The following ZC3H4 variants were observed in gnomAD, a reference collection of about 807,000 sequenced individuals.
ZC3H4 encodes zinc finger CCCH-type containing 4, also known as zinc finger CCCH domain-containing protein 4.
A neutral mutation model predicts 108.3 loss-of-function variants in ZC3H4; 13 were observed. The ratio of observed to expected loss-of-function variants is 0.12; its 90% CI spans 0.08 to 0.19. The LOEUF is 0.19. ZC3H4 is among the 10% of genes least tolerant of loss of function. ZC3H4 has a pLI of 1.00. For missense variants in ZC3H4, 1,734 were observed against 1,838.8 expected, an observed-to-expected ratio of 0.94 and a Z score of 1.04; for synonymous variants, 917 against 749.6, an observed-to-expected ratio of 1.22 and a Z score of -3.65.
chr19:47,091,851 C>G (rs982426860), intron 4 of ZC3H4, among the ~76,000 whole-genome samples: 3 of 152,106 alleles, frequency 2.0e-5, no homozygotes, highest in Admixed American at 6.6e-5. Flanking sequence ...CGAGATTGTG[C>G]CACTGCACTC....
At chr19:47,074,419 G>C (rs184855630) in intron 11 of ZC3H4, among the ~76,000 whole-genome samples, 1 of 152,314 alleles carries the variant, frequency 6.6e-6, no homozygotes, top group Admixed American at 6.5e-5. Flanking sequence ...CGCCCAGTGA[G>C]TGAATGAGAA....
chr19:47,093,477 G>C (rs1008334394), intron 4 of ZC3H4, among the ~76,000 whole-genome samples: 1 of 152,146 alleles, frequency 6.6e-6, no homozygotes, highest in Non-Finnish European at 1.5e-5. Context: ...AGACATACAG[G>C]GCCTTGCTAA....
rs1048389204 is a variant in ZC3H4 at position 47,099,097 on chromosome 19, G to A, written c.162-4489C>T. 6.4e-4 allele frequency among the ~76,000 whole-genome samples: 97 copies of A among 152,214 alleles called. 1 individual carries two copies. Among genetic ancestry groups the A allele is most frequent in the Non-Finnish European group, 5.1e-4 (35 of 68,042 alleles). Reference sequence around the variant, plus strand: ...GTTGGTTTTAAAAACCAGCTAGCATGAGGGCATCTCTCCACGGAAAGCCCT... The same window carrying A: ...GTTGGTTTTAAAAACCAGCTAGCATAAGGGCATCTCTCCACGGAAAGCCCT... On this transcript the variant is annotated intron_variant, in intron 2 of 14. Coordinates refer to ENST00000253048, the MANE Select transcript of ZC3H4 (RefSeq NM_015168.2).
intron 2 of ZC3H4, among the ~76,000 whole-genome samples, chr19:47,101,316 A>G (rs1376532393): frequency 1.3e-5 from 2 of 151,858 alleles, no homozygotes; most frequent in Admixed American, 1.3e-4. Flanking sequence ...CCTGGGCAAC[A>G]GAGTGAGACC....
intron 5 of ZC3H4, among the ~76,000 whole-genome samples, chr19:47,089,397 G>A (rs1486894724): frequency 2.0e-5 from 3 of 151,834 alleles, no homozygotes; most frequent in Non-Finnish European, 4.4e-5. Context: ...GGCTGGTCTC[G>A]AACTCCTGAC....
At chr19:47,099,374 A>G (rs879425943) in intron 2 of ZC3H4, among the ~76,000 whole-genome samples, 10 of 151,346 alleles carry the variant, frequency 6.6e-5, no homozygotes, top group Non-Finnish European at 1.0e-4. Context: ...CAGGAGAATC[A>G]CTTGAACCTG....
rs1290182943 is a variant in ZC3H4, at chr19:47,066,999, G to A, written c.3269C>T (p.Ala1090Val). 6 of 1,592,176 alleles carry A rather than the reference G, an allele frequency of 3.8e-6. 1 individual carries two copies. The Admixed American group carries it at 5.2e-5, about 14-fold the overall frequency. The change falls in exon 15 of 15, where the codon GCC (alanine) becomes GTC (valine). Residue 1090 changes from alanine (A) to valine (V), a missense_variant. Physicochemically the swap from Ala to Val is moderately conservative, Grantham distance 64 (BLOSUM62 0). Around this residue, in one of 9 missense-constraint regions of ZC3H4, gnomAD observed 518 missense variants for 499.6 expected, o/e 1.04. Transcript: ENST00000253048. ...PRLQKPTDST[A>V]SSRAAKPGPA... is the part of the protein sequence containing the mutation. ...GCCGGGCTTGGCAGCCCGGGAGGAG[G>A]CCGTAGAGTCTGTGGGTTTCTGCAG...
rs537690289 is a variant in ZC3H4 at position 47,072,915 on chromosome 19, AG to A, written c.1441-203del. ...TCCACTCTCGGGGACCAGCTGGTAGAGGGGGGGCCATTCCTGCTCTATGGCA... is the reference window on the plus strand; with the variant it reads ...TCCACTCTCGGGGACCAGCTGGTAGAGGGGGGCCATTCCTGCTCTATGGCA... On this transcript the variant is annotated intron_variant, in intron 11 of 14. Coordinates refer to ENST00000253048, the MANE Select transcript of ZC3H4 (RefSeq NM_015168.2). The surrounding 1 kb of genome is among the most constrained non-coding windows in gnomAD (Gnocchi z 5.6). Among the ~76,000 whole-genome samples the A allele has an allele frequency of 6.6e-6, 1 of 152,094 alleles. No homozygotes were observed. Among genetic ancestry groups the A allele is most frequent in the African/African-American group, 2.4e-5 (1 of 41,416 alleles).
intron 11 of ZC3H4, among the ~76,000 whole-genome samples, chr19:47,078,652 G>C (rs567032884): frequency 6.6e-6 from 1 of 152,140 alleles, no homozygotes; most frequent in East Asian, 1.9e-4. Flanking sequence ...AACTAATCAC[G>C]AATTTGAGAC....
Position 47,067,771 on chromosome 19 carries a change from G to C in ZC3H4, c.2497C>G (p.Pro833Ala). The C allele has an allele frequency of 6.2e-7, 1 of 1,609,374 alleles. No individual in the cohort carries two copies. Among genetic ancestry groups the C allele is most frequent in the Non-Finnish European group, 8.5e-7 (1 of 1,178,714 alleles). Residue 833 changes from proline to alanine, a missense_variant, in exon 15 of 15, where the codon CCG becomes GCG. Physicochemically the swap from Pro to Ala is conservative, Grantham distance 27. This residue lies in a region of ZC3H4 where 540 missense variants were observed against 484.1 expected (regional missense o/e 1.12). Coordinates refer to ENST00000253048, the MANE Select transcript of ZC3H4 (RefSeq NM_015168.2). The surrounding 1 kb of genome is among the most constrained non-coding windows in gnomAD (Gnocchi z 6.4). ...TLRQQTSSRP[P>A]ASVGELSSSG... ...CTGCTCAGCTCCCCAACTGAAGCCGGGGGTCGGCTGGACGTCTGCTGCCTC... is the reference window on the plus strand; with the variant it reads ...CTGCTCAGCTCCCCAACTGAAGCCGCGGGTCGGCTGGACGTCTGCTGCCTC...
chr19:47,068,097 C>G (rs1482658277), intron 14 of ZC3H4, among the ~76,000 whole-genome samples: 1 of 152,184 alleles, frequency 6.6e-6, no homozygotes, highest in Non-Finnish European at 1.5e-5. Context: ...CGGCACTGCA[C>G]TAAGTAGTTT....
intron 11 of ZC3H4, among the ~76,000 whole-genome samples, chr19:47,073,486 C>T (rs1247577389): frequency 2.0e-5 from 3 of 152,086 alleles, no homozygotes; most frequent in Admixed American, 2.0e-4. Context: ...GCAGAAGAAT[C>T]GCTTGAACCT....
At chr19:47,108,760 T>C (rs951886947) in intron 2 of ZC3H4, among the ~76,000 whole-genome samples, 3 of 152,190 alleles carry the variant, frequency 2.0e-5, no homozygotes, top group African/African-American at 7.2e-5. Context: ...AACTATGGCT[T>C]ATAAAGAAAT....
At chr19:47,099,888 C>T (rs930250977) in intron 2 of ZC3H4, among the ~76,000 whole-genome samples, 5 of 150,170 alleles carry the variant, frequency 3.3e-5, no homozygotes, top group Non-Finnish European at 7.4e-5. Flanking sequence ...GGAACAGCAG[C>T]GGTTACCTTA....
intron 10 of ZC3H4, among the ~76,000 whole-genome samples, chr19:47,081,888 T>C (rs1469505517): frequency 6.6e-6 from 1 of 152,136 alleles, no homozygotes; most frequent in Admixed American, 6.5e-5. Context: ...GGAAGTTAAA[T>C]GACTCACCCA....
At chr19:47,097,519 C>T (rs779807790) in intron 2 of ZC3H4, among the ~76,000 whole-genome samples, 7 of 152,186 alleles carry the variant, frequency 4.6e-5, no homozygotes, top group African/African-American at 7.2e-5. Context: ...TGCGTGAACA[C>T]GAGGTCTTGA....
chr19:47,067,949 G>T lies in ZC3H4; in HGVS notation c.2399-80C>A. The T allele has an allele frequency of 7.4e-7, 1 of 1,349,468 alleles. No homozygotes were observed. The highest frequency in any genetic ancestry group is 1.0e-6 in the Non-Finnish European group (1 of 982,124). The allele number at this position is 1,349,468 out of a possible 1,614,324, so 83.6% of individuals were successfully genotyped here. A position where few individuals can be genotyped will look rare whatever the true frequency, so the allele number is the denominator to read the frequency against. ...CTCTTGGATCCCACAGCAGCCCACCGTGAGCAGCTCCTTTGCTTGTGCCTC... is the reference window on the plus strand; with the variant it reads ...CTCTTGGATCCCACAGCAGCCCACCTTGAGCAGCTCCTTTGCTTGTGCCTC... On this transcript the variant is annotated intron_variant, in intron 14 of 14. Transcript: ENST00000253048. The surrounding 1 kb of genome is among the most constrained non-coding windows in gnomAD (Gnocchi z 6.4).
At chr19:47,090,940 C>T (rs1216519656) in intron 4 of ZC3H4, among the ~76,000 whole-genome samples, 2 of 152,034 alleles carry the variant, frequency 1.3e-5, no homozygotes, top group Non-Finnish European at 2.9e-5. Flanking sequence ...ACTACCTGCT[C>T]AATTTTGAAT....
intron 11 of ZC3H4, among the ~76,000 whole-genome samples, chr19:47,073,638 C>T (rs1194756895): frequency 3.9e-5 from 6 of 152,130 alleles, no homozygotes; most frequent in Admixed American, 3.3e-4. Flanking sequence ...GTTATGTAAC[C>T]GCCACCTCTA....
Sources: allele counts gnomAD v4.1 joint callset (sites outside exome capture counted in the v4.1 genomes callset), GRCh38; gene constraint gnomAD v4.1.1; regional missense constraint gnomAD v4.1.1; non-coding constraint Gnocchi (gnomAD v3.1); transcripts MANE v1.5; gene names NCBI Gene and HGNC (gene_info 2026-07-23, HGNC 2026-07-21).